RECQL4: variants seen among roughly 807,000 people sequenced by gnomAD.
RECQL4 encodes the protein ATP-dependent DNA helicase Q4.
Under a neutral mutation model 128.6 loss-of-function variants are expected in RECQL4, and 158 were observed. That is an observed-to-expected ratio of 1.23 (90% CI 1.08 to 1.40). The LOEUF (loss-of-function observed/expected upper bound fraction) is 1.40. Ranked by LOEUF, RECQL4 falls within the 40% of genes most tolerant of loss-of-function variation. The pLI is 0.00. For missense variants in RECQL4, 2,293 were observed against 1,649.8 expected, an observed-to-expected ratio of 1.39 and a Z score of -6.75; for synonymous variants, 996 against 678.9, an observed-to-expected ratio of 1.47 and a Z score of -7.26.
Position 144,515,635 on chromosome 8 carries a change from G to A in RECQL4, c.1258+129C>T, listed in dbSNP as rs1255182251. 9.6e-6 allele frequency: 14 copies of A among 1,451,976 alleles called. No individual in the cohort carries two copies. In the Admixed American group the frequency reaches 2.6e-4, roughly 27 times the overall value. 89.9% of individuals were successfully genotyped at this position (1,451,976 alleles called of 1,614,324 possible). A position where few individuals can be genotyped will look rare whatever the true frequency, so the allele number is the denominator to read the frequency against. On this transcript the variant is annotated intron_variant, in intron 6 of 20. Coordinates refer to ENST00000617875, the MANE Select transcript of RECQL4 (RefSeq NM_004260.4). The stretch of plus-strand genomic sequence containing the variant: ...TCGTCCCTGCCACCCTCCTTCAGGG[G>A]AGCTAGGGTAGGGCCTGGACCAGGG...
rs879018093 is a variant in RECQL4, at chr8:144,511,360, C to T, written c.*71G>A. ...TTCCCACACCCTGTGGCAGGTTTTG[C>T]CCAGGTCCTCAGTCACTGCCCTAGC... On this transcript the variant is annotated 3_prime_UTR_variant, in exon 21 of 21. Coordinates refer to ENST00000617875, the MANE Select transcript of RECQL4 (RefSeq NM_004260.4). 36 of 1,590,866 alleles carry T rather than the reference C, an allele frequency of 2.3e-5. No homozygotes were observed. The South Asian group carries it at 3.3e-4, about 15-fold the overall frequency.
chr8:144,517,010 T>TA, intron 4 of RECQL4, 40 bp downstream of exon 4: 1 of 1,586,396 alleles, frequency 6.3e-7, no homozygotes. Flanking sequence ...CGGAAGCAGC[T>TA]GTGGACCTAG....
In RECQL4 at chr8:144,516,060, G is replaced by A. The variant is rs750709443; in HGVS notation, c.1059C>T (p.Tyr353=). The change falls in exon 5 of 21, where the codon TAC becomes TAT. Residue 353 remains tyrosine (Y), a synonymous_variant. Transcript: ENST00000617875. ...GTTTCTGCTTCATGTTGAGCCGTACGTAATTGCCCCTGTCATGGCGGGCCA... is the reference window on the plus strand; with the variant it reads ...GTTTCTGCTTCATGTTGAGCCGTACATAATTGCCCCTGTCATGGCGGGCCA... ...PRLARHDRGN[Y]VRLNMKQKHY... 8 of 1,612,692 alleles carry A rather than the reference G, an allele frequency of 5.0e-6. No homozygotes were observed. Among genetic ancestry groups the A allele is most frequent in the South Asian group, 3.3e-5 (3 of 91,090 alleles).
At position 144,515,367 on chromosome 8, in the gene RECQL4, A is replaced by T; in HGVS notation, c.1349T>A (p.Val450Glu). Residue 450 changes from valine to glutamate, a missense_variant, in exon 7 of 21, where the codon GTG (valine) becomes GAG (glutamate). By Grantham distance (121) the Val-to-Glu change is moderately radical (BLOSUM62 -2). Coordinates refer to ENST00000617875, the MANE Select transcript of RECQL4 (RefSeq NM_004260.4). ...GGGCCCCAGGGAGTAGAGTGGCAGC[A>T]CGGTGGGGTCCAGGCTGGGCACCTC... is the stretch of plus-strand genomic sequence containing the variant. The part of the protein sequence containing the change: ...VPEVPSLDPT[V>E]LPLYSLGPSG... 1 of 1,612,736 alleles carries T rather than the reference A, an allele frequency of 6.2e-7. No individual in the cohort carries two copies. Among genetic ancestry groups the T allele is most frequent in the Non-Finnish European group, 8.5e-7 (1 of 1,179,828 alleles).
chr8:144,514,880 A>T, intron 9 of RECQL4, 56 bp downstream of exon 9: 1 of 1,590,564 alleles, frequency 6.3e-7, no homozygotes, highest in Non-Finnish European at 8.6e-7. Flanking sequence ...TGCCCTTGGG[A>T]GTCACAAGTG....
In RECQL4 at chr8:144,515,460, G is replaced by A. The variant is rs1367991198; in HGVS notation, c.1259-3C>T. On this transcript the variant is annotated splice_region_variant and splice_polypyrimidine_tract_variant and intron_variant, in intron 6 of 20. Transcript: ENST00000617875. ...AGCATCTGTGTCTTCCTCACTTGCTGGGGCAGGCAGGAGAGGGTAGAATGG... is the reference window on the plus strand; with the variant it reads ...AGCATCTGTGTCTTCCTCACTTGCTAGGGCAGGCAGGAGAGGGTAGAATGG... 1.2e-6 allele frequency: 2 copies of A among 1,612,642 alleles called. No homozygotes were observed. The highest frequency in any genetic ancestry group is 1.7e-6 in the Non-Finnish European group (2 of 1,179,810).
Position 144,511,891 on chromosome 8 carries a change from CCTGGCCTTACTGCACTCACT to C in RECQL4, c.3393_3393+19del. ...GGGAACCTGCAACCCCGATGAGCTG[CCTGGCCTTACTGCACTCACT>C]CTGGCCTGCCCTGGCTCGGGGCCCT... On this transcript the variant is annotated splice_donor_variant and splice_donor_5th_base_variant and coding_sequence_variant and intron_variant, in exon 19 of 21. Coordinates refer to ENST00000617875, the MANE Select transcript of RECQL4 (RefSeq NM_004260.4). LOFTEE classifies it high-confidence loss of function. 1 of 1,610,110 alleles carries C rather than the reference CCTGGCCTTACTGCACTCACT, an allele frequency of 6.2e-7. No homozygotes were observed. The highest frequency in any genetic ancestry group is 1.3e-5 in the African/African-American group (1 of 75,062).
rs1171953080 is a variant in RECQL4, at chr8:144,516,110, C to G, written c.1009G>C (p.Ala337Pro). Residue 337 changes from alanine to proline, a missense_variant, in exon 5 of 21, where the codon GCC becomes CCC. Physicochemically the swap from Ala to Pro is conservative, Grantham distance 27 (BLOSUM62 -1). Transcript: ENST00000617875. ...QARAGKAEGT[A>P]PLHIFPRLAR... ...AGCCGAGGGAAGATGTGCAGGGGGGCTGTGCCCTCAGCCTTCCCAGCCCTA... is the reference window on the plus strand; with the variant it reads ...AGCCGAGGGAAGATGTGCAGGGGGGGTGTGCCCTCAGCCTTCCCAGCCCTA... 1 of 1,612,764 alleles carries G rather than the reference C, an allele frequency of 6.2e-7. No homozygotes were observed. Among genetic ancestry groups the G allele is most frequent in the African/African-American group, 1.3e-5 (1 of 74,924 alleles).
intron 5 of RECQL4, 24 bp from the exon 6 acceptor site, chr8:144,515,914 G>C (rs371067697): frequency 1.9e-5 from 30 of 1,612,640 alleles, no homozygotes; most frequent in Non-Finnish European, 2.3e-5. Flanking sequence ...ACATAGGAGG[G>C]TCACTGGGCG....
rs147485051 is a variant in RECQL4 at position 144,514,791 on chromosome 8, C to T, written c.1620+145G>A. 1.0e-5 allele frequency: 11 copies of T among 1,081,564 alleles called. No homozygotes were observed. The African/African-American group carries it at 1.1e-4, about 11-fold the overall frequency. The allele number at this position is 1,081,564 out of a possible 1,614,324, so 67.0% of individuals were successfully genotyped here. ...CCTGTGGAGCTGGGCTGCCTTTGACCTGCTGCCAAGACTGGGACTGAGGCC... is the reference window on the plus strand; with the variant it reads ...CCTGTGGAGCTGGGCTGCCTTTGACTTGCTGCCAAGACTGGGACTGAGGCC... On this transcript the variant is annotated intron_variant, in intron 9 of 20. Coordinates refer to ENST00000617875, the MANE Select transcript of RECQL4 (RefSeq NM_004260.4).
At position 144,514,183 on chromosome 8, in the gene RECQL4, G is replaced by A. The variant is rs2130694045; in HGVS notation, c.1878+6C>T. 1.2e-6 allele frequency: 2 copies of A among 1,612,108 alleles called. No individual in the cohort carries two copies. The highest frequency in any genetic ancestry group is 1.7e-6 in the Non-Finnish European group (2 of 1,179,660). On this transcript the variant is annotated splice_donor_region_variant and intron_variant, in intron 11 of 20. Coordinates refer to ENST00000617875, the MANE Select transcript of RECQL4 (RefSeq NM_004260.4). The stretch of plus-strand genomic sequence containing the variant: ...GGCCGCCCACCCCAGTTCACATATG[G>A]CTCACCTTGCAGACGCGCAGGTAGC...
chr8:144,515,278 C>A, intron 7 of RECQL4, 36 bp from the exon 8 acceptor site: 2 of 1,609,422 alleles, frequency 1.2e-6, no homozygotes, highest in South Asian at 2.2e-5. Context: ...TGACTTGAGT[C>A]ACCCCAACCC....
intron 9 of RECQL4, 98 bp downstream of exon 9, chr8:144,514,838 G>T: frequency 6.9e-7 from 1 of 1,448,688 alleles, no homozygotes; most frequent in Admixed American, 2.0e-5. Flanking sequence ...GAAGCTCCCA[G>T]GGGAGGGGGT....
Position 144,516,298 on chromosome 8 carries a change from T to C in RECQL4, c.821A>G (p.Gln274Arg), listed in dbSNP as rs1279942403. 4 of 1,609,654 alleles carry C rather than the reference T, an allele frequency of 2.5e-6. No homozygotes were observed. The highest frequency in any genetic ancestry group is 1.7e-5 in the Admixed American group (1 of 59,722). The stretch of plus-strand genomic sequence containing the variant: ...AGCTTGGCTGCTCTCCTGCTGGACC[T>C]GTGCGGGGCTCTCCCAGGGCTCCTC... ...WNEEPWESPA[Q>R]VQQESSQAGP... The change falls in exon 5 of 21, where the codon CAG (glutamine) becomes CGG (arginine). Residue 274 changes from glutamine (Q) to arginine (R), a missense_variant. Gln to Arg is a conservative substitution (Grantham distance 43, BLOSUM62 1). Coordinates refer to ENST00000617875, the MANE Select transcript of RECQL4 (RefSeq NM_004260.4).
In RECQL4 at chr8:144,511,423, C is replaced by T. The variant is rs763479657; in HGVS notation, c.*8G>A. On this transcript the variant is annotated 3_prime_UTR_variant, in exon 21 of 21. Coordinates refer to ENST00000617875, the MANE Select transcript of RECQL4 (RefSeq NM_004260.4). ...CAGCTCTACCCGACATCCCCCAATG[C>T]AGTGCAGTCAGCGGGCCACCTGCAG... 2 of 1,611,858 alleles carry T rather than the reference C, an allele frequency of 1.2e-6. No homozygotes were observed. The highest frequency in any genetic ancestry group is 2.7e-5 in the African/African-American group (2 of 74,938).
chr8:144,511,912 C>G lies in RECQL4; in HGVS notation c.3392G>C (p.Arg1131Thr). The G allele has an allele frequency of 6.2e-7, 1 of 1,610,652 alleles. No homozygotes were observed. Among genetic ancestry groups the G allele is most frequent in the Non-Finnish European group, 8.5e-7 (1 of 1,179,736 alleles). Residue 1131 changes from arginine to threonine, a missense_variant and splice_region_variant, in exon 19 of 21, where the codon AGA (arginine) becomes ACA (threonine). Physicochemically the swap from Arg to Thr is moderately conservative, Grantham distance 71 (BLOSUM62 -1). Transcript: ENST00000617875. The part of the protein sequence containing the change: ...DAQGPEPGQA[R>T]LQDWEDQVRC... Reference sequence around the variant, plus strand: ...GCTGCCTGGCCTTACTGCACTCACTCTGGCCTGCCCTGGCTCGGGGCCCTG... The same window carrying G: ...GCTGCCTGGCCTTACTGCACTCACTGTGGCCTGCCCTGGCTCGGGGCCCTG...
At chr8:144,517,313 C>G in intron 3 of RECQL4, 101 bp downstream of exon 3, 2 of 1,485,230 alleles carry the variant, frequency 1.3e-6, no homozygotes, top group Non-Finnish European at 1.8e-6. Context: ...GTCCCCCTCC[C>G]AAGTTCTGTG....
chr8:144,512,801 G>C, intron 15 of RECQL4, 30 bp from the exon 16 acceptor site: 1 of 1,610,070 alleles, frequency 6.2e-7, no homozygotes, highest in Non-Finnish European at 8.5e-7. Flanking sequence ...CAGCGGACGC[G>C]GGGACAGCCC....
In RECQL4 at chr8:144,515,381, G is replaced by A. The variant is rs1828011139; in HGVS notation, c.1335C>T (p.Ser445=). 1 of 1,612,770 alleles carries A rather than the reference G, an allele frequency of 6.2e-7. No homozygotes were observed. The highest frequency in any genetic ancestry group is 8.5e-7 in the Non-Finnish European group (1 of 1,179,840). Residue 445 remains serine (S), a synonymous_variant, in exon 7 of 21, where the codon AGC becomes AGT. Coordinates refer to ENST00000617875, the MANE Select transcript of RECQL4 (RefSeq NM_004260.4). ...PSPQPVPEVP[S]LDPTVLPLYS... ...AGAGTGGCAGCACGGTGGGGTCCAG[G>A]CTGGGCACCTCAGGTACAGGTTGTG...
Sources: allele counts gnomAD v4.1 joint callset, GRCh38; gene constraint gnomAD v4.1.1; transcripts MANE v1.5; gene names NCBI Gene and HGNC (gene_info 2026-07-23, HGNC 2026-07-21).